The following BNIP2 variants were observed in gnomAD, a reference collection of about 807,000 sequenced individuals.
BNIP2 encodes BCL2/adenovirus E1B 19 kDa protein-interacting protein 2.
BNIP2 carries 36 observed loss-of-function variants against 43.4 expected under a neutral mutation model. The observed-to-expected ratio is 0.83, with a 90% CI of 0.64 to 1.10. The LOEUF is 1.10. Among genes scored for constraint, BNIP2 ranks in the 50% least tolerant of loss-of-function variants. The pLI is 0.00. For missense variants in BNIP2, 417 were observed against 374.1 expected (o/e 1.11, Z -0.95); for synonymous variants, 146 against 121.0 (o/e 1.21, Z -1.35).
chr15:59,669,699 G>A (rs183726198), intron 7 of BNIP2, among the ~76,000 whole-genome samples: 62 of 152,256 alleles, frequency 4.1e-4, no homozygotes, highest in Admixed American at 7.2e-4. Context: ...CATTTTCCAA[G>A]ACTAGGGAGA....
At chr15:59,673,740 TA>T (rs1893083855) in intron 5 of BNIP2, among the ~76,000 whole-genome samples, 1 of 152,176 alleles carries the variant, frequency 6.6e-6, no homozygotes, top group South Asian at 2.1e-4. Context: ...GGGTGATTTT[TA>T]AAAGGTAAGT....
chr15:59,661,575 G>A lies in BNIP2; in HGVS notation c.*2494C>T, dbSNP rs1892276977. 1 of 152,164 alleles carries A rather than the reference G, an allele frequency of 6.6e-6. No individual in the cohort carries two copies. The highest frequency in any genetic ancestry group is 6.5e-5 in the Admixed American group (1 of 15,290). The allele number at this position is 152,164 out of a possible 1,614,324, so 9.4% of individuals were successfully genotyped here. A position where few individuals can be genotyped will look rare whatever the true frequency, so the allele number is the denominator to read the frequency against. ...GGTGCTTGCTTAGGAGTATGATCAA[G>A]CAGAACACAGAATCAAATTATTTCA... On this transcript the variant is annotated 3_prime_UTR_variant, in exon 10 of 10. Transcript: ENST00000607373.
intron 9 of BNIP2, 183 bp downstream of exon 9, chr15:59,668,709 A>C (rs1892709543): frequency 5.7e-6 from 3 of 529,844 alleles, no homozygotes; most frequent in Middle Eastern, 5.0e-4. Flanking sequence ...GAAAATGCTA[A>C]CTTAGGGGGA....
chr15:59,688,612 C>A (rs1297013408), intron 1 of BNIP2: 5 of 1,218,186 alleles, frequency 4.1e-6, no homozygotes, highest in South Asian at 1.3e-5. Flanking sequence ...TAGATTCACG[C>A]GGGGACTCGG....
At chr15:59,668,215 TAA>T (rs1295720563) in intron 9 of BNIP2, 1 of 909,330 alleles carries the variant, frequency 1.1e-6, no homozygotes, top group Non-Finnish European at 1.5e-6. Flanking sequence ...CTACTAAAAA[TAA>T]ACTCATTTAA....
At chr15:59,666,821 ACAC>A (rs1361974459) in intron 9 of BNIP2, among the ~76,000 whole-genome samples, 1 of 102,972 alleles carries the variant, frequency 9.7e-6, no homozygotes. Context: ...TTATGGTTAA[ACAC>A]AAGTAAAAAA....
intron 9 of BNIP2, 108 bp from the exon 10 acceptor site, chr15:59,664,228 T>G: frequency 1.5e-6 from 1 of 654,182 alleles, no homozygotes; most frequent in Non-Finnish European, 2.4e-6. Context: ...AGACAAAGCT[T>G]TGCAAAGAAG....
chr15:59,676,345 ATTTATTTT>A (rs1374063820), intron 5 of BNIP2, among the ~76,000 whole-genome samples: 1 of 151,654 alleles, frequency 6.6e-6, no homozygotes. Context: ...GGCTAATTTT[ATTTATTTT>A]TTTATTTTTT....
rs770533061 is a variant in BNIP2, at chr15:59,671,287, T to C, written c.603A>G (p.Leu201=). The change falls in exon 7 of 10, where the codon TTA becomes TTG. Residue 201 remains leucine (L), a synonymous_variant. Transcript: ENST00000607373. ...AAACTATCATGTAGTTTTCTGCTAC[T>C]AATAGCTCCAAAGTGCCAATAACAT... ...FKYVIGTLEL[L]VAENYMIVYL... is the part of the protein sequence containing the mutation. 6.9e-6 allele frequency: 11 copies of C among 1,594,888 alleles called. No individual in the cohort carries two copies. In the East Asian group the frequency reaches 2.5e-4, roughly 36 times the overall value.
At chr15:59,669,170 T>A in intron 8 of BNIP2, 106 bp downstream of exon 8, 1 of 1,039,918 alleles carries the variant, frequency 9.6e-7, no homozygotes, top group Middle Eastern at 3.1e-4. Flanking sequence ...TATACACATA[T>A]CAAAATATAG....
Position 59,689,296 on chromosome 15 carries a change from C to T in BNIP2, c.-219G>A. The T allele has an allele frequency of 6.5e-7, 1 of 1,546,248 alleles. No individual in the cohort carries two copies. Reference sequence around the variant, plus strand: ...CCCGGCCGCAGCGGTACGGCGTCGGCGGCAGCAGCTGACCCGGACACAGTG... The same window carrying T: ...CCCGGCCGCAGCGGTACGGCGTCGGTGGCAGCAGCTGACCCGGACACAGTG... On this transcript the variant is annotated 5_prime_UTR_variant, in exon 1 of 10. Coordinates refer to ENST00000607373, the MANE Select transcript of BNIP2 (RefSeq NM_004330.4).
intron 5 of BNIP2, chr15:59,677,286 C>G: frequency 6.3e-7 from 1 of 1,587,980 alleles, no homozygotes; most frequent in Non-Finnish European, 8.6e-7. Context: ...CCAGGGGATC[C>G]TGGCACACCA....
intron 1 of BNIP2, among the ~76,000 whole-genome samples, chr15:59,686,645 G>GA (rs1267356501): frequency 1.3e-5 from 2 of 152,146 alleles, no homozygotes; most frequent in African/African-American, 4.8e-5. Context: ...AAACATGCTT[G>GA]AAAAAATCCT....
chr15:59,669,466 A>T, intron 7 of BNIP2, 104 bp from the exon 8 acceptor site: 1 of 772,958 alleles, frequency 1.3e-6, no homozygotes, highest in Non-Finnish European at 1.9e-6. Context: ...AATCTCACCC[A>T]AAAGTTCTCA....
At chr15:59,685,226 G>A (rs549018913) in intron 1 of BNIP2, among the ~76,000 whole-genome samples, 2 of 152,194 alleles carry the variant, frequency 1.3e-5, no homozygotes, top group South Asian at 2.1e-4. Context: ...GAGGCCGGAC[G>A]TGGTGGCTCA....
chr15:59,681,184 G>C (rs1893643312), intron 2 of BNIP2, among the ~76,000 whole-genome samples: 1 of 152,108 alleles, frequency 6.6e-6, no homozygotes, highest in Non-Finnish European at 1.5e-5. Context: ...AGTGACTCAG[G>C]TCTCCGATCA....
At chr15:59,666,623 G>C (rs1892585334) in intron 9 of BNIP2, among the ~76,000 whole-genome samples, 1 of 151,916 alleles carries the variant, frequency 6.6e-6, no homozygotes, top group Non-Finnish European at 1.5e-5. Flanking sequence ...GCTGAGACTG[G>C]GCCATTGCAC....
intron 1 of BNIP2, among the ~76,000 whole-genome samples, chr15:59,682,864 CAG>C (rs1339600280): frequency 6.6e-6 from 1 of 152,074 alleles, no homozygotes; most frequent in Non-Finnish European, 1.5e-5. Context: ...TTCTTTATTA[CAG>C]ACTCATAATT....
In BNIP2 at chr15:59,676,965, T is replaced by C. The variant is rs1893341855; in HGVS notation, c.472+946A>G. The C allele has an allele frequency of 1.9e-6, 3 of 1,613,394 alleles. No homozygotes were observed. In the Admixed American group the frequency reaches 5.0e-5, roughly 27 times the overall value. Reference sequence around the variant, plus strand: ...AGCATGATCCTCTCTGCTGCCATCTTCATCACCCTCTTAGGTCTGCTTGGT... The same window carrying C: ...AGCATGATCCTCTCTGCTGCCATCTCCATCACCCTCTTAGGTCTGCTTGGT... On this transcript the variant is annotated intron_variant, in intron 5 of 9. Coordinates refer to ENST00000607373, the MANE Select transcript of BNIP2 (RefSeq NM_004330.4).
Sources: gnomAD v4.1 joint callset for allele counts (sites outside exome capture counted in the v4.1 genomes callset) on GRCh38, gnomAD v4.1.1 for gene constraint, MANE v1.5 for transcripts, NCBI Gene and HGNC (gene_info 2026-07-23, HGNC 2026-07-21) for gene names.